NFATC1: variants seen among roughly 807,000 people sequenced by gnomAD.
The protein encoded by NFATC1 is nuclear factor of activated T cells 1, also known as nuclear factor of activated T-cells, cytoplasmic 1.
In NFATC1, 22 loss-of-function variants were observed where a neutral mutation model predicts 76.0. The observed-to-expected ratio is 0.29, with a 90% CI of 0.21 to 0.41. The LOEUF (loss-of-function observed/expected upper bound fraction) is 0.41. Among genes scored for constraint, NFATC1 ranks in the 10% least tolerant of loss-of-function variants. NFATC1 has a pLI of 1.00. For synonymous variants in NFATC1, 704 were observed against 613.1 expected (o/e 1.15, Z -2.19); for missense variants, 1,357 against 1,337.7 (o/e 1.01, Z -0.23).
At chr18:79,453,902 G>A (rs1175758978) in intron 6 of NFATC1, among the ~76,000 whole-genome samples, 2 of 152,222 alleles carry the variant, frequency 1.3e-5, no homozygotes, top group Non-Finnish European at 1.5e-5. Flanking sequence ...CTTCTCAGGC[G>A]GGAGCCGTTG....
chr18:79,480,812 C>G (rs545076734), intron 8 of NFATC1, among the ~76,000 whole-genome samples: 155 of 152,302 alleles, frequency 1.0e-3, no homozygotes, highest in African/African-American at 3.6e-3. Flanking sequence ...TTAAAGCGCT[C>G]GGGACACTTC....
chr18:79,486,811 G>A lies in NFATC1; in HGVS notation c.2656G>A (p.Glu886Lys), dbSNP rs754955023. 4.3e-6 allele frequency: 7 copies of A among 1,611,356 alleles called. No homozygotes were observed. Among genetic ancestry groups the A allele is most frequent in the African/African-American group, 1.3e-5 (1 of 74,918 alleles). Reference sequence around the variant, plus strand: ...CCTGCCGTCCACGGTCCGCAGGGACGAGTCTCCGACTGCCGGGCCACGGCT... The same window carrying A: ...CCTGCCGTCCACGGTCCGCAGGGACAAGTCTCCGACTGCCGGGCCACGGCT... Reference protein sequence around the residue: ...QHLPSTVRRDESPTAGPRLLP... With the variant: ...QHLPSTVRRDKSPTAGPRLLP... The change falls in exon 9 of 10, where the codon GAG (glutamate) becomes AAG (lysine). Residue 886 changes from glutamate to lysine, a missense_variant. By Grantham distance (56) the Glu-to-Lys change is moderately conservative. This residue lies in a region of NFATC1 where 424 missense variants were observed against 395.4 expected (regional missense o/e 1.07). Transcript: ENST00000427363.
chr18:79,507,119 C>T (rs1485914526), intron 9 of NFATC1, among the ~76,000 whole-genome samples: 2 of 152,202 alleles, frequency 1.3e-5, no homozygotes, highest in Non-Finnish European at 2.9e-5. Flanking sequence ...CCAGGCACTG[C>T]GGGGAGGGGG....
intron 1 of NFATC1, chr18:79,400,568 G>A (rs1390788171): frequency 2.6e-6 from 3 of 1,175,286 alleles, no homozygotes; most frequent in Non-Finnish European, 2.2e-6. Flanking sequence ...GTCGCTCCCC[G>A]GGGACCCCAG....
chr18:79,463,864 C>T (rs879817930), intron 7 of NFATC1, among the ~76,000 whole-genome samples: 8 of 152,166 alleles, frequency 5.3e-5, no homozygotes, highest in Non-Finnish European at 7.3e-5. Context: ...GCTGCCCAGC[C>T]GCTGGCCTGC....
At chr18:79,455,669 AG>A (rs1342421310) in intron 6 of NFATC1, among the ~76,000 whole-genome samples, 2 of 151,998 alleles carry the variant, frequency 1.3e-5, no homozygotes, top group Non-Finnish European at 2.9e-5. Context: ...GCACATCCAG[AG>A]CCCTCCCCTG....
chr18:79,487,128 C>T (rs978431742), intron 9 of NFATC1, among the ~76,000 whole-genome samples, 191 bp downstream of exon 9: 2 of 152,216 alleles, frequency 1.3e-5, no homozygotes, highest in Admixed American at 1.3e-4. Flanking sequence ...CTGGGGCGCT[C>T]GCCGTGAGAT....
chr18:79,413,540 C>A (rs1251327700), intron 2 of NFATC1, among the ~76,000 whole-genome samples: 1 of 152,204 alleles, frequency 6.6e-6, no homozygotes, highest in African/African-American at 2.4e-5. Flanking sequence ...GTTGGGGCCA[C>A]CCTGGTGGCC....
intron 8 of NFATC1, among the ~76,000 whole-genome samples, chr18:79,480,216 G>A (rs1348216493): frequency 1.3e-5 from 2 of 152,208 alleles, no homozygotes; most frequent in African/African-American, 2.4e-5. Flanking sequence ...AGCTCTGGGC[G>A]GAAGAGAAGC....
chr18:79,398,953 GC>G (rs2085092266), intron 1 of NFATC1, among the ~76,000 whole-genome samples: 1 of 152,230 alleles, frequency 6.6e-6, no homozygotes, highest in Non-Finnish European at 1.5e-5. Context: ...TGTAGTCCCA[GC>G]TACTCTGGAG....
chr18:79,424,985 CTCTGTGTCTA>C (rs1208359343), intron 2 of NFATC1, among the ~76,000 whole-genome samples: 5 of 140,108 alleles, frequency 3.6e-5, no homozygotes. Context: ...CTCTCTGTCT[CTCTGTGTCTA>C]TCTCTGTGTC....
intron 1 of NFATC1, among the ~76,000 whole-genome samples, chr18:79,404,695 G>C (rs997521156): frequency 3.3e-5 from 5 of 152,336 alleles, no homozygotes; most frequent in African/African-American, 1.2e-4. Flanking sequence ...AGATCTGGCT[G>C]TGGCTGGAGT....
At position 79,411,066 on chromosome 18, in the gene NFATC1, A is replaced by T. The variant is rs1252178216; in HGVS notation, c.791A>T (p.Asn264Ile). ...TCCTCCAGACCCGCGTCCCCTTGCA[A>T]CAAGAGGAAGTACAGCCTCAACGGC... ...ARSSRPASPC[N>I]KRKYSLNGRQ... Residue 264 changes from asparagine (N) to isoleucine (I), a missense_variant, in exon 2 of 10, where the codon AAC becomes ATC. Physicochemically the swap from Asn to Ile is moderately radical, Grantham distance 149 (BLOSUM62 -3). This residue lies in a region of NFATC1 where 691 missense variants were observed against 613.1 expected (regional missense o/e 1.13). Coordinates refer to ENST00000427363, the MANE Select transcript of NFATC1 (RefSeq NM_001278669.2). The T allele has an allele frequency of 6.2e-7, 1 of 1,611,844 alleles. No individual in the cohort carries two copies. Among genetic ancestry groups the T allele is most frequent in the Non-Finnish European group, 8.5e-7 (1 of 1,179,456 alleles).
intron 9 of NFATC1, among the ~76,000 whole-genome samples, chr18:79,510,843 ATCCTCTGCCG>A (rs1222430389): frequency 5.1e-4 from 76 of 149,240 alleles, no homozygotes; most frequent in African/African-American, 1.7e-3. Flanking sequence ...CTGCCGGGGC[ATCCTCTGCCG>A]GGGCATCCTC....
chr18:79,407,030 G>A (rs538149605), intron 1 of NFATC1, among the ~76,000 whole-genome samples: 227 of 152,372 alleles, frequency 1.5e-3, no homozygotes, highest in Non-Finnish European at 1.8e-3. Context: ...AGGGGCCACC[G>A]TGACGCCCAG....
At chr18:79,469,201 T>G (rs1297582909) in intron 8 of NFATC1, 2 of 318,866 alleles carry the variant, frequency 6.3e-6, no homozygotes. Flanking sequence ...ATATAATGAT[T>G]GAGTCCTAAT....
chr18:79,485,906 T>C (rs1466321870), intron 8 of NFATC1, among the ~76,000 whole-genome samples: 1 of 152,246 alleles, frequency 6.6e-6, no homozygotes, highest in African/African-American at 2.4e-5. Flanking sequence ...GGAGCAGAAA[T>C]GCAGTCGTGC....
At chr18:79,523,634 C>T (rs765300873) in intron 9 of NFATC1, among the ~76,000 whole-genome samples, 31 of 152,328 alleles carry the variant, frequency 2.0e-4, no homozygotes, top group Admixed American at 9.8e-4. Flanking sequence ...TACTGATTTC[C>T]TCCTTCACTC....
At chr18:79,463,481 C>G (rs57680512) in intron 7 of NFATC1, among the ~76,000 whole-genome samples, 1 of 92,436 alleles carries the variant, frequency 1.1e-5, no homozygotes. Flanking sequence ...CCCCACAGCC[C>G]GTTCCCGTGT....
Sources: gnomAD v4.1 joint callset for allele counts (sites outside exome capture counted in the v4.1 genomes callset) on GRCh38, gnomAD v4.1.1 for gene constraint, gnomAD v4.1.1 regional missense constraint, MANE v1.5 for transcripts, NCBI Gene and HGNC (gene_info 2026-07-23, HGNC 2026-07-21) for gene names.